SLC2A14: variants seen among roughly 807,000 people sequenced by gnomAD.
The protein encoded by SLC2A14 is solute carrier family 2, facilitated glucose transporter member 14.
Under a neutral mutation model 43.0 loss-of-function variants are expected in SLC2A14, and 13 were observed. The ratio of observed to expected loss-of-function variants is 0.30; its 90% CI spans 0.20 to 0.48. The LOEUF is 0.48. SLC2A14 is among the 20% of genes least tolerant of loss of function. SLC2A14 has a pLI of 0.99. For synonymous variants in SLC2A14, 190 were observed against 233.8 expected (o/e 0.81, Z 1.71); for missense variants, 428 against 620.4 (o/e 0.69, Z 3.29).
chr12:7,845,665 G>C (rs1186360436), intron 2 of SLC2A14, among the ~76,000 whole-genome samples: 4 of 151,542 alleles, frequency 2.6e-5, no homozygotes, highest in Non-Finnish European at 5.9e-5. Flanking sequence ...TGTAGTCCCA[G>C]CTACTTGGGA....
At chr12:7,870,020 G>A (rs892478985) in intron 1 of SLC2A14, 83 bp from the exon 2 acceptor site, 6 of 675,262 alleles carry the variant, frequency 8.9e-6, no homozygotes, top group East Asian at 8.6e-5. Flanking sequence ...TAGCCCCCTC[G>A]CCAATGGACA....
rs1165003055 is a variant in SLC2A14, at chr12:7,813,541, T to C, written c.*775A>G. ...CTTAAAGATAAAGTTCCAAAGGAAA[T>C]GAGTAGCTTTATTAAATAGGCATAC... On this transcript the variant is annotated 3_prime_UTR_variant, in exon 11 of 11. Transcript: ENST00000431042. 1 of 152,176 alleles carries C rather than the reference T, an allele frequency of 6.6e-6. No individual in the cohort carries two copies. The highest frequency in any genetic ancestry group is 2.4e-5 in the African/African-American group (1 of 41,438). 9.4% of individuals were successfully genotyped at this position (152,176 alleles called of 1,614,324 possible). A position where few individuals can be genotyped will look rare whatever the true frequency, so the allele number is the denominator to read the frequency against.
intron 1 of SLC2A14, among the ~76,000 whole-genome samples, chr12:7,885,612 T>C (rs767906664): frequency 6.6e-6 from 1 of 151,922 alleles, no homozygotes; most frequent in East Asian, 1.9e-4. Flanking sequence ...TCTAATTTAG[T>C]ATATACAAAA....
intron 2 of SLC2A14, among the ~76,000 whole-genome samples, chr12:7,834,967 C>T (rs1234251235): frequency 2.0e-5 from 3 of 152,024 alleles, no homozygotes; most frequent in Non-Finnish European, 4.4e-5. Flanking sequence ...AGGAGCCTGG[C>T]TCAGTCACAG....
At chr12:7,825,254 A>G (rs764426351) in intron 7 of SLC2A14, among the ~76,000 whole-genome samples, 2 of 148,278 alleles carry the variant, frequency 1.3e-5, no homozygotes, top group Admixed American at 6.9e-5. Flanking sequence ...TGAAGCCAGG[A>G]GTTCAAGACC....
At chr12:7,824,870 T>C (rs1240845153) in intron 7 of SLC2A14, among the ~76,000 whole-genome samples, 5 of 152,190 alleles carry the variant, frequency 3.3e-5, no homozygotes, top group Non-Finnish European at 7.4e-5. Flanking sequence ...AATTTTTATA[T>C]TTTTAGTAGA....
At chr12:7,889,357 T>C (rs6488746) in intron 1 of SLC2A14, among the ~76,000 whole-genome samples, 150,638 of 151,664 alleles carry the variant, frequency 0.99, 74,823 homozygotes, top group East Asian at 1. Context: ...ACTCAGCCTC[T>C]CAAGTAGCTG....
At chr12:7,850,525 A>G (rs1167359525) in intron 2 of SLC2A14, among the ~76,000 whole-genome samples, 2 of 151,912 alleles carry the variant, frequency 1.3e-5, no homozygotes, top group Non-Finnish European at 2.9e-5. Context: ...CCTCCCAAGT[A>G]GCTGGGATTA....
intron 7 of SLC2A14, 115 bp downstream of exon 7, chr12:7,827,380 A>G (rs1388142897): frequency 2.8e-6 from 4 of 1,448,778 alleles, no homozygotes; most frequent in Non-Finnish European, 3.7e-6. Flanking sequence ...GGTTCAAGCG[A>G]TTCTCCTGCC....
upstream of SLC2A14, chr12:7,873,388 T>C (rs938894680): frequency 3.3e-5 from 32 of 983,046 alleles, no homozygotes; most frequent in Non-Finnish European, 3.7e-5. Context: ...ACACCTGTAA[T>C]CCTAGCACTT....
At chr12:7,844,899 T>C (rs944348678) in intron 2 of SLC2A14, among the ~76,000 whole-genome samples, 7 of 152,154 alleles carry the variant, frequency 4.6e-5, no homozygotes, top group Non-Finnish European at 8.8e-5. Flanking sequence ...GTATATGGTA[T>C]TTTAATAATC....
At chr12:7,824,116 T>C (rs1864152103) in intron 7 of SLC2A14, among the ~76,000 whole-genome samples, 1 of 151,118 alleles carries the variant, frequency 6.6e-6, no homozygotes, top group South Asian at 2.1e-4. Context: ...ATCAGCCGGG[T>C]GTGGTGGCAG....
chr12:7,835,327 C>T (rs1281855250), intron 2 of SLC2A14, among the ~76,000 whole-genome samples: 1 of 152,126 alleles, frequency 6.6e-6, no homozygotes, highest in African/African-American at 2.4e-5. Flanking sequence ...GCAGAGGTTG[C>T]AGTCAGCCGA....
chr12:7,877,291 T>A (rs1183945097), upstream of SLC2A14, among the ~76,000 whole-genome samples: 1 of 149,854 alleles, frequency 6.7e-6, no homozygotes. Flanking sequence ...AGCCACCATG[T>A]CTGGCCAAAG....
intron 7 of SLC2A14, among the ~76,000 whole-genome samples, chr12:7,826,877 C>CTTTCTTTCTTTCTTTCTT (rs1864448167): frequency 3.8e-5 from 1 of 26,130 alleles, no homozygotes; most frequent in Non-Finnish European, 8.1e-5. Flanking sequence ...TTCTTTCTTT[C>CTTTCTTTCTTTCTTTCTT]TTTCTTTCTT....
At chr12:7,859,859 C>T (rs1434436231) in intron 2 of SLC2A14, among the ~76,000 whole-genome samples, 2 of 152,042 alleles carry the variant, frequency 1.3e-5, no homozygotes, top group Non-Finnish European at 2.9e-5. Context: ...AAGTGAGATC[C>T]TCTAACTTGA....
At chr12:7,883,246 T>C (rs1945619315) in intron 1 of SLC2A14, among the ~76,000 whole-genome samples, 1 of 146,186 alleles carries the variant, frequency 6.8e-6, no homozygotes, top group Admixed American at 7.1e-5. Context: ...CCACAAATGC[T>C]TTCTTTTTCT....
At chr12:7,831,250 T>C in intron 4 of SLC2A14, 1 of 56,628 alleles carries the variant, frequency 1.8e-5, no homozygotes, top group South Asian at 4.8e-4. Flanking sequence ...GACCCCAGTT[T>C]TGTTTTTTTT....
At chr12:7,825,367 G>C (rs1039246726) in intron 7 of SLC2A14, among the ~76,000 whole-genome samples, 1 of 150,334 alleles carries the variant, frequency 6.7e-6, no homozygotes, top group East Asian at 1.9e-4. Flanking sequence ...GGCTGAGGCA[G>C]GAGAATCACT....
Sources: allele counts gnomAD v4.1 joint callset (sites outside exome capture counted in the v4.1 genomes callset), GRCh38; gene constraint gnomAD v4.1.1; transcripts MANE v1.5; gene names NCBI Gene and HGNC (gene_info 2026-07-23, HGNC 2026-07-21).